LRRC4C: variants seen among roughly 807,000 people sequenced by gnomAD.
LRRC4C encodes leucine-rich repeat-containing protein 4C.
In LRRC4C, 5 loss-of-function variants were observed where a neutral mutation model predicts 33.6. That is an observed-to-expected ratio of 0.15 (90% confidence interval 0.08 to 0.31). The LOEUF (loss-of-function observed/expected upper bound fraction) is 0.31. Ranked by LOEUF, LRRC4C falls within the 10% of genes least tolerant of loss-of-function variation. The probability of loss-of-function intolerance (pLI) is 1.00; values close to 1 mark genes in which losing one functional copy is unlikely to be tolerated. For synonymous variants in LRRC4C, 329 were observed against 302.0 expected (o/e 1.09, Z -0.93); for missense variants, 560 against 796.7 (o/e 0.70, Z 3.58).
At chr11:41,326,896 C>T (rs1951137670) in intron 1 of LRRC4C, among the ~76,000 whole-genome samples, 1 of 152,182 alleles carries the variant, frequency 6.6e-6, no homozygotes, top group Non-Finnish European at 1.5e-5. Flanking sequence ...GCCTGGTAGG[C>T]AATATAGAAA....
intron 2 of LRRC4C, among the ~76,000 whole-genome samples, chr11:40,656,257 C>G (rs1943106360): frequency 6.7e-6 from 1 of 149,480 alleles, no homozygotes; most frequent in Admixed American, 6.7e-5. Context: ...TCCTTCTTTT[C>G]TACTCTACCT....
intron 3 of LRRC4C, among the ~76,000 whole-genome samples, chr11:40,353,376 T>C (rs1363585166): frequency 6.6e-6 from 1 of 152,130 alleles, no homozygotes; most frequent in East Asian, 1.9e-4. Flanking sequence ...AACTAATGCA[T>C]TTTTTACTAT....
intron 2 of LRRC4C, among the ~76,000 whole-genome samples, chr11:40,925,903 T>C (rs1957390646): frequency 6.6e-6 from 1 of 152,198 alleles, no homozygotes; most frequent in South Asian, 2.1e-4. Flanking sequence ...ATAACATTGG[T>C]AAATCTTTAG....
At chr11:41,362,205 C>G (rs1178181194) in intron 1 of LRRC4C, among the ~76,000 whole-genome samples, 2 of 152,094 alleles carry the variant, frequency 1.3e-5, no homozygotes, top group Admixed American at 6.5e-5. Context: ...ATCTCACAAC[C>G]CTTTCATTAC....
chr11:40,125,148 G>A (rs1856119227), intron 6 of LRRC4C, among the ~76,000 whole-genome samples: 1 of 152,100 alleles, frequency 6.6e-6, no homozygotes, highest in Non-Finnish European at 1.5e-5. Context: ...AATGAGGTCT[G>A]AACATGTGAC....
At chr11:41,171,859 C>G (rs191099737) in intron 1 of LRRC4C, among the ~76,000 whole-genome samples, 1 of 151,844 alleles carries the variant, frequency 6.6e-6, no homozygotes, top group Non-Finnish European at 1.5e-5. Flanking sequence ...TTATGACAAG[C>G]AGACTGAAAA....
At chr11:41,185,821 C>T (rs552266548) in intron 1 of LRRC4C, among the ~76,000 whole-genome samples, 1 of 151,650 alleles carries the variant, frequency 6.6e-6, no homozygotes, top group South Asian at 2.1e-4. Flanking sequence ...AAAAGACCAA[C>T]AGATTTGAAT....
intron 3 of LRRC4C, among the ~76,000 whole-genome samples, chr11:40,510,106 T>C (rs1955236580): frequency 6.6e-6 from 1 of 151,798 alleles, no homozygotes; most frequent in African/African-American, 2.4e-5. Context: ...TTTTAATTAC[T>C]TACATGACAA....
intron 6 of LRRC4C, among the ~76,000 whole-genome samples, chr11:40,120,607 T>C (rs1043749782): frequency 1.3e-5 from 2 of 152,052 alleles, no homozygotes; most frequent in Admixed American, 1.3e-4. Flanking sequence ...ATTTTTAGGG[T>C]TGGGGTCCCA....
intron 2 of LRRC4C, among the ~76,000 whole-genome samples, chr11:40,881,235 A>C (rs1165236263): frequency 6.6e-6 from 1 of 152,042 alleles, no homozygotes; most frequent in Non-Finnish European, 1.5e-5. Flanking sequence ...GTTTTTAGAA[A>C]TGTGAGGAGG....
chr11:40,786,525 T>A (rs1187862559), intron 2 of LRRC4C, among the ~76,000 whole-genome samples: 1 of 152,222 alleles, frequency 6.6e-6, no homozygotes, highest in Middle Eastern at 3.2e-3. Context: ...AAGTGACATA[T>A]AAACGTATAT....
At chr11:40,858,406 G>A (rs1294640970) in intron 2 of LRRC4C, among the ~76,000 whole-genome samples, 1 of 151,990 alleles carries the variant, frequency 6.6e-6, no homozygotes, top group Non-Finnish European at 1.5e-5. Context: ...TATTTTAAAA[G>A]ATCATGTTTC....
chr11:40,261,717 T>G (rs1941848990), intron 4 of LRRC4C, among the ~76,000 whole-genome samples: 1 of 152,140 alleles, frequency 6.6e-6, no homozygotes, highest in Non-Finnish European at 1.5e-5. Context: ...GAATTTTTTT[T>G]GACAAAAACA....
In LRRC4C at chr11:41,307,093, T is replaced by G. The variant is rs568094975; in HGVS notation, c.-496+152338A>C. On this transcript the variant is annotated intron_variant, in intron 1 of 6. Coordinates refer to ENST00000528697, the MANE Select transcript of LRRC4C (RefSeq NM_001258419.2). ...CTCAAGAGAAAAGGAATCATGCAACTTCCTAATCCTTGGAGGCTAGGGTGA... is the reference window on the plus strand; with the variant it reads ...CTCAAGAGAAAAGGAATCATGCAACGTCCTAATCCTTGGAGGCTAGGGTGA... Among the ~76,000 whole-genome samples, 3 of 152,286 alleles carry G rather than the reference T, an allele frequency of 2.0e-5. No individual in the cohort carries two copies. The East Asian group carries it at 5.8e-4, about 29-fold the overall frequency.
chr11:41,228,012 T>A (rs1183313766), intron 1 of LRRC4C, among the ~76,000 whole-genome samples: 1 of 152,092 alleles, frequency 6.6e-6, no homozygotes. Context: ...ACACTGAACT[T>A]CTTCCTCCAA....
At chr11:41,312,892 A>G (rs1351179684) in intron 1 of LRRC4C, among the ~76,000 whole-genome samples, 1 of 152,210 alleles carries the variant, frequency 6.6e-6, no homozygotes, top group Non-Finnish European at 1.5e-5. Context: ...CAGTATACAT[A>G]AAACGCTTCC....
intron 2 of LRRC4C, among the ~76,000 whole-genome samples, chr11:40,788,349 G>C (rs1258232871): frequency 6.6e-6 from 1 of 151,798 alleles, no homozygotes; most frequent in Admixed American, 6.6e-5. Context: ...TTCTGTCTTA[G>C]TAGATCATCT....
intron 1 of LRRC4C, among the ~76,000 whole-genome samples, chr11:41,187,095 G>C (rs2136189569): frequency 6.6e-6 from 1 of 152,270 alleles, no homozygotes; most frequent in Admixed American, 6.5e-5. Context: ...GATAATAGCA[G>C]TGATATGGGA....
chr11:41,265,558 C>CT (rs1271037270), intron 1 of LRRC4C, among the ~76,000 whole-genome samples: 7 of 151,960 alleles, frequency 4.6e-5, no homozygotes, highest in Non-Finnish European at 8.8e-5. Context: ...TCTAATAGGA[C>CT]TATCTAGCTT....
Sources: allele counts gnomAD v4.1 joint callset (sites outside exome capture counted in the v4.1 genomes callset), GRCh38; gene constraint gnomAD v4.1.1; transcripts MANE v1.5; gene names NCBI Gene and HGNC (gene_info 2026-07-23, HGNC 2026-07-21).